Variants in BCAR3 observed in about 807,000 individuals in gnomAD.
The protein encoded by BCAR3 is BCAR3 adaptor protein, NSP family member, also known as breast cancer anti-estrogen resistance protein 3.
Under a neutral mutation model 80.1 loss-of-function variants are expected in BCAR3, and 37 were observed. The observed-to-expected ratio is 0.46, with a 90% CI of 0.36 to 0.61. The LOEUF (loss-of-function observed/expected upper bound fraction) is 0.61. BCAR3 is among the 20% of genes least tolerant of loss of function. The pLI is 0.00. For missense variants in BCAR3, 978 were observed against 1,068.2 expected (o/e 0.92, Z 1.18); for synonymous variants, 389 against 418.9 (o/e 0.93, Z 0.87).
chr1:93,620,787 C>G (rs1675282823), intron 3 of BCAR3, among the ~76,000 whole-genome samples: 1 of 152,142 alleles, frequency 6.6e-6, no homozygotes, highest in South Asian at 2.1e-4. Context: ...TTGTCTGATA[C>G]CAACCAATTC....
At chr1:93,798,278 T>C (rs530956696) in intron 2 of BCAR3, among the ~76,000 whole-genome samples, 1 of 152,348 alleles carries the variant, frequency 6.6e-6, no homozygotes, top group East Asian at 1.9e-4. Context: ...CTTTGGAGCC[T>C]TTTCTTGAGC....
intron 2 of BCAR3, among the ~76,000 whole-genome samples, chr1:93,838,012 T>C (rs1440840448): frequency 1.3e-5 from 2 of 152,222 alleles, no homozygotes; most frequent in Non-Finnish European, 2.9e-5. Flanking sequence ...GTATCATTAT[T>C]GTTCGCCACA....
chr1:93,799,155 C>G (rs923120201), intron 2 of BCAR3, among the ~76,000 whole-genome samples: 1 of 152,172 alleles, frequency 6.6e-6, no homozygotes, highest in Non-Finnish European at 1.5e-5. Flanking sequence ...AGGGGGCAGC[C>G]CGTGAGCTAT....
At chr1:93,637,107 C>CA (rs1427367031) in intron 3 of BCAR3, among the ~76,000 whole-genome samples, 1 of 151,594 alleles carries the variant, frequency 6.6e-6, no homozygotes, top group East Asian at 1.9e-4. Flanking sequence ...AAAAACAAAA[C>CA]AAACAAAGCA....
At chr1:93,568,741 T>C (rs1673078753) in intron 9 of BCAR3, among the ~76,000 whole-genome samples, 1 of 152,212 alleles carries the variant, frequency 6.6e-6, no homozygotes, top group Non-Finnish European at 1.5e-5. Context: ...TAAGTACATA[T>C]AGAACAGCCT....
chr1:93,789,605 G>C (rs1219240799), intron 2 of BCAR3, among the ~76,000 whole-genome samples: 1 of 152,180 alleles, frequency 6.6e-6, no homozygotes, highest in Non-Finnish European at 1.5e-5. Context: ...TAAGAAATTT[G>C]AAGAGAACAG....
intron 8 of BCAR3, among the ~76,000 whole-genome samples, chr1:93,573,116 A>T (rs1184845303): frequency 6.6e-6 from 1 of 151,540 alleles, no homozygotes; most frequent in East Asian, 1.9e-4. Context: ...AAAATAATTA[A>T]AGTGAGCCAG....
chr1:93,699,893 T>C (rs1362565308), intron 3 of BCAR3, among the ~76,000 whole-genome samples: 1 of 152,134 alleles, frequency 6.6e-6, no homozygotes, highest in Non-Finnish European at 1.5e-5. Flanking sequence ...GCCCGCCATT[T>C]GCCAGCTCTT....
chr1:93,796,964 G>A (rs1187694191), intron 2 of BCAR3, among the ~76,000 whole-genome samples: 2 of 152,116 alleles, frequency 1.3e-5, no homozygotes, highest in Non-Finnish European at 2.9e-5. Flanking sequence ...TATATTTCTG[G>A]TTACTGTATA....
chr1:93,823,623 C>T (rs1654294864), intron 2 of BCAR3, among the ~76,000 whole-genome samples: 1 of 135,202 alleles, frequency 7.4e-6, no homozygotes, highest in African/African-American at 2.5e-5. Context: ...GCCCTGGCAG[C>T]CTCAACCTGG....
chr1:93,685,551 A>G (rs2101959869), upstream of BCAR3, among the ~76,000 whole-genome samples: 1 of 152,238 alleles, frequency 6.6e-6, no homozygotes, highest in East Asian at 1.9e-4. Context: ...GATGAACCAT[A>G]ATTTACCAAA....
chr1:93,750,189 T>A (rs1051497560), intron 2 of BCAR3, among the ~76,000 whole-genome samples: 1 of 152,202 alleles, frequency 6.6e-6, no homozygotes, highest in African/African-American at 2.4e-5. Flanking sequence ...ATCAGACTGC[T>A]TCCTTCACTA....
intron 2 of BCAR3, among the ~76,000 whole-genome samples, chr1:93,755,569 T>C (rs1245692871): frequency 6.6e-6 from 1 of 152,230 alleles, no homozygotes; most frequent in African/African-American, 2.4e-5. Context: ...TAAAGGTTTG[T>C]AGCCTAGGAA....
chr1:93,611,025 T>C (rs1674933646), intron 3 of BCAR3, among the ~76,000 whole-genome samples: 1 of 152,168 alleles, frequency 6.6e-6, no homozygotes, highest in Non-Finnish European at 1.5e-5. Flanking sequence ...TGAGCCTTGG[T>C]GTGTCCTCTG....
chr1:93,616,116 C>A (rs1424469475), intron 3 of BCAR3, among the ~76,000 whole-genome samples: 1 of 152,180 alleles, frequency 6.6e-6, no homozygotes, highest in Non-Finnish European at 1.5e-5. Context: ...ACCAAAGACA[C>A]TTAGGTCACT....
At chr1:93,617,640 C>G (rs1675169333) in intron 3 of BCAR3, among the ~76,000 whole-genome samples, 1 of 152,236 alleles carries the variant, frequency 6.6e-6, no homozygotes, top group East Asian at 1.9e-4. Context: ...CCCTAAAGAT[C>G]AATGCTTTCT....
rs181302787 is a variant in BCAR3 at position 93,701,219 on chromosome 1, C to T, written c.-12+4873G>A. Among the ~76,000 whole-genome samples, 24 of 152,346 alleles carry T rather than the reference C, an allele frequency of 1.6e-4. No homozygotes were observed. The East Asian group carries it at 4.1e-3, about 26-fold the overall frequency. The stretch of plus-strand genomic sequence containing the variant: ...ACACGCAGGCACTGAATAACCACAG[C>T]GGTCATCGTGAGGTCCCCACTTGCC... On this transcript the variant is annotated intron_variant, in intron 3 of 13. Transcript: ENST00000370244.
chr1:93,593,612 C>T lies in BCAR3; in HGVS notation c.358-1219G>A, dbSNP rs527547518. Among the ~76,000 whole-genome samples the T allele has an allele frequency of 2.6e-5, 4 of 152,010 alleles. No homozygotes were observed. The South Asian group carries it at 8.3e-4, about 32-fold the overall frequency. On this transcript the variant is annotated intron_variant, in intron 3 of 11. Transcript: ENST00000260502. ...CTGGTCTCAAACTCCTGGGCTCAAG[C>T]GATCCACCCACCTTGGCCTCTCAAA...
chr1:93,631,407 G>A (rs1189558971), intron 3 of BCAR3, among the ~76,000 whole-genome samples: 1 of 152,190 alleles, frequency 6.6e-6, no homozygotes, highest in Non-Finnish European at 1.5e-5. Context: ...TCAACCCACA[G>A]CAGTGTCCTA....
Sources: gnomAD v4.1 joint callset for allele counts (sites outside exome capture counted in the v4.1 genomes callset) on GRCh38, gnomAD v4.1.1 for gene constraint, MANE v1.5 for transcripts, NCBI Gene and HGNC (gene_info 2026-07-23, HGNC 2026-07-21) for gene names.